The following LRRC7 variants were observed in gnomAD, a reference collection of about 807,000 sequenced individuals.
LRRC7 encodes leucine-rich repeat-containing protein 7.
In LRRC7, 23 loss-of-function variants were observed where a neutral mutation model predicts 175.7. The ratio of observed to expected loss-of-function variants is 0.13; its 90% CI spans 0.09 to 0.19. The LOEUF (loss-of-function observed/expected upper bound fraction) is 0.19, where lower values mean the gene tolerates loss of function less well. Ranked by LOEUF, LRRC7 falls within the 10% of genes least tolerant of loss-of-function variation. LRRC7 has a pLI of 1.00. For synonymous variants in LRRC7, 685 were observed against 680.9 expected, an observed-to-expected ratio of 1.01 and a Z score of -0.09; for missense variants, 1,354 against 1,904.7, an observed-to-expected ratio of 0.71 and a Z score of 5.38.
intron 3 of LRRC7, among the ~76,000 whole-genome samples, chr1:69,763,765 A>G (rs1484546496): frequency 6.6e-6 from 1 of 152,100 alleles, no homozygotes; most frequent in Non-Finnish European, 1.5e-5. Flanking sequence ...TTAAATCTTT[A>G]AAGTTAGATT....
At chr1:69,990,824 G>A (rs561961063) in intron 10 of LRRC7, among the ~76,000 whole-genome samples, 3 of 152,140 alleles carry the variant, frequency 2.0e-5, no homozygotes, top group Non-Finnish European at 4.4e-5. Flanking sequence ...CACAACAAAT[G>A]TAATAGATTT....
chr1:69,672,013 A>G (rs536363530), intron 1 of LRRC7, among the ~76,000 whole-genome samples: 2 of 152,102 alleles, frequency 1.3e-5, no homozygotes, highest in East Asian at 3.9e-4. Context: ...CTTTAAAAAA[A>G]TTTTTTTTAT....
At chr1:70,106,788 C>T (rs1484432239) in intron 25 of LRRC7, among the ~76,000 whole-genome samples, 2 of 152,106 alleles carry the variant, frequency 1.3e-5, no homozygotes, top group African/African-American at 4.8e-5. Context: ...ATGTGCTGTC[C>T]CCTCTCTCTG....
intron 7 of LRRC7, among the ~76,000 whole-genome samples, chr1:69,872,601 A>G (rs1640934191): frequency 6.6e-6 from 1 of 152,090 alleles, no homozygotes; most frequent in Admixed American, 6.6e-5. Flanking sequence ...TTTTGTTCTC[A>G]TATATACATT....
intron 2 of LRRC7, among the ~76,000 whole-genome samples, chr1:69,692,958 T>A (rs1662078949): frequency 6.6e-6 from 1 of 152,162 alleles, no homozygotes; most frequent in African/African-American, 2.4e-5. Flanking sequence ...AGAACAAAAG[T>A]GTGGCTCTGC....
chr1:69,760,054 T>G (rs748000476), intron 2 of LRRC7, 137 bp from the exon 3 acceptor site: 1 of 798,520 alleles, frequency 1.3e-6, no homozygotes, highest in Non-Finnish European at 1.9e-6. Context: ...AATGATACAA[T>G]GCGTGTGTGT....
At chr1:69,613,836 T>C (rs945483359) in intron 1 of LRRC7, among the ~76,000 whole-genome samples, 5 of 152,016 alleles carry the variant, frequency 3.3e-5, no homozygotes, top group African/African-American at 1.2e-4. Flanking sequence ...AAAAGAATTA[T>C]TCTGGAAATA....
intron 1 of LRRC7, among the ~76,000 whole-genome samples, chr1:69,617,721 G>A (rs1649894515): frequency 6.6e-6 from 1 of 151,854 alleles, no homozygotes; most frequent in Non-Finnish European, 1.5e-5. Flanking sequence ...CTAACTTCAT[G>A]TATCTGTTTT....
chr1:70,027,999 A>G (rs929254829), intron 17 of LRRC7, among the ~76,000 whole-genome samples, 172 bp from the exon 18 acceptor site: 2 of 152,190 alleles, frequency 1.3e-5, no homozygotes, highest in Non-Finnish European at 2.9e-5. Context: ...GAGAAGTCCC[A>G]GAAGGCTGAA....
intron 7 of LRRC7, among the ~76,000 whole-genome samples, chr1:69,912,139 T>TC (rs1160706218): frequency 6.6e-6 from 1 of 151,990 alleles, no homozygotes; most frequent in East Asian, 1.9e-4. Flanking sequence ...TGGAACCAAT[T>TC]CCCCCAAGGA....
chr1:69,834,141 T>C (rs1044183258), intron 5 of LRRC7, among the ~76,000 whole-genome samples: 2 of 152,180 alleles, frequency 1.3e-5, no homozygotes, highest in Non-Finnish European at 2.9e-5. Context: ...TCTTAATTTT[T>C]TGATGCAGTT....
chr1:69,598,247 A>G (rs1049268313), intron 1 of LRRC7, among the ~76,000 whole-genome samples: 14 of 152,164 alleles, frequency 9.2e-5, no homozygotes, highest in Admixed American at 6.5e-5. Flanking sequence ...AACTTTCAGG[A>G]ATATAGTCTA....
chr1:69,902,302 G>T (rs778994087), intron 7 of LRRC7, among the ~76,000 whole-genome samples: 1 of 152,174 alleles, frequency 6.6e-6, no homozygotes, highest in Non-Finnish European at 1.5e-5. Flanking sequence ...AGGTGTGGTG[G>T]CTCACACCTG....
At chr1:70,060,515 AGGTTGG>A (rs1661497047) in intron 23 of LRRC7, among the ~76,000 whole-genome samples, 1 of 152,150 alleles carries the variant, frequency 6.6e-6, no homozygotes, top group Non-Finnish European at 1.5e-5. Context: ...TTATGTCAAA[AGGTTGG>A]GGTGAATGTA....
chr1:69,952,889 T>A (rs1650086763), intron 8 of LRRC7, among the ~76,000 whole-genome samples: 1 of 151,090 alleles, frequency 6.6e-6, no homozygotes, highest in Non-Finnish European at 1.5e-5. Flanking sequence ...AGAAATTTTT[T>A]GAACTCCTAC....
intron 1 of LRRC7, among the ~76,000 whole-genome samples, chr1:69,653,891 G>A (rs1326089982): frequency 6.6e-6 from 1 of 152,020 alleles, no homozygotes; most frequent in Non-Finnish European, 1.5e-5. Flanking sequence ...TTATACTTAT[G>A]TGAGGTATCT....
intron 4 of LRRC7, among the ~76,000 whole-genome samples, chr1:69,805,497 A>G (rs1677014558): frequency 1.3e-5 from 2 of 151,896 alleles, no homozygotes; most frequent in South Asian, 4.1e-4. Flanking sequence ...TACACCATTT[A>G]TTTAGAGTAA....
At chr1:69,884,953 A>C (rs1320086896) in intron 7 of LRRC7, among the ~76,000 whole-genome samples, 5 of 149,842 alleles carry the variant, frequency 3.3e-5, no homozygotes, top group East Asian at 2.0e-4. Context: ...GCCTTGCATC[A>C]CAGGGATGAA....
At chr1:69,977,917 A>T (rs1407841893) in intron 8 of LRRC7, among the ~76,000 whole-genome samples, 1 of 152,254 alleles carries the variant, frequency 6.6e-6, no homozygotes, top group Non-Finnish European at 1.5e-5. Flanking sequence ...TAATGTTTAC[A>T]GTTACAAGTT....
Sources: allele counts gnomAD v4.1 joint callset (sites outside exome capture counted in the v4.1 genomes callset), GRCh38; gene constraint gnomAD v4.1.1; transcripts MANE v1.5; gene names NCBI Gene and HGNC (gene_info 2026-07-23, HGNC 2026-07-21).